The following ITPR1 variants were observed in gnomAD, a reference collection of about 807,000 sequenced individuals.
ITPR1 encodes inositol 1,4,5-trisphosphate receptor type 1, also known as inositol 1,4,5-trisphosphate-gated calcium channel ITPR1.
In ITPR1, 96 loss-of-function variants were observed where a neutral mutation model predicts 318.4. That is an observed-to-expected ratio of 0.30 (90% CI 0.26 to 0.36). The LOEUF (loss-of-function observed/expected upper bound fraction) is 0.36, where lower values mean the gene tolerates loss of function less well. ITPR1 is among the 10% of genes least tolerant of loss of function. The probability of loss-of-function intolerance (pLI) is 1.00; values close to 1 mark genes in which losing one functional copy is unlikely to be tolerated. For synonymous variants in ITPR1, 1,312 were observed against 1,289.9 expected, an observed-to-expected ratio of 1.02 and a Z score of -0.37; for missense variants, 2,440 against 3,460.2, an observed-to-expected ratio of 0.71 and a Z score of 7.40.
intron 42 of ITPR1, among the ~76,000 whole-genome samples, chr3:4,727,817 C>A (rs2042628747): frequency 6.6e-6 from 1 of 152,212 alleles, no homozygotes; most frequent in African/African-American, 2.4e-5. Flanking sequence ...CTCAAGCAAT[C>A]CTCTTGCCTT....
Position 4,496,315 on chromosome 3 carries a change from A to G in ITPR1, c.-17+1809A>G, listed in dbSNP as rs1012275731. On this transcript the variant is annotated intron_variant, in intron 2 of 61. Transcript: ENST00000649015. ...GTTCTCCATTTTTTCTTTCAAGTTC[A>G]TGTGTGTGTGTGTGTGTGTGTATGC... Among the ~76,000 whole-genome samples the G allele has an allele frequency of 5.3e-5, 8 of 151,154 alleles. No individual in the cohort carries two copies. The East Asian group carries it at 5.8e-4, about 11-fold the overall frequency.
intron 37 of ITPR1, among the ~76,000 whole-genome samples, chr3:4,709,010 T>C (rs1363448425): frequency 6.6e-6 from 1 of 152,228 alleles, no homozygotes; most frequent in African/African-American, 2.4e-5. Flanking sequence ...GTGCAAAAGA[T>C]GCAGGATTTC....
chr3:4,559,871 C>G (rs1463483180), intron 4 of ITPR1, among the ~76,000 whole-genome samples: 1 of 152,152 alleles, frequency 6.6e-6, no homozygotes, highest in Admixed American at 6.5e-5. Context: ...CCCTTAATCA[C>G]TAAACTGTAT....
intron 4 of ITPR1, among the ~76,000 whole-genome samples, chr3:4,546,152 GATA>G (rs2084974924): frequency 6.6e-6 from 1 of 152,142 alleles, no homozygotes; most frequent in Non-Finnish European, 1.5e-5. Context: ...TGATTATCAT[GATA>G]ATGATGTAAA....
At chr3:4,654,945 C>G (rs995193861) in intron 12 of ITPR1, among the ~76,000 whole-genome samples, 3 of 151,962 alleles carry the variant, frequency 2.0e-5, no homozygotes, top group Non-Finnish European at 4.4e-5. Flanking sequence ...CTGGGGTACC[C>G]GAGGCTCACC....
chr3:4,694,321 A>C (rs2094524118), intron 33 of ITPR1, among the ~76,000 whole-genome samples: 1 of 149,918 alleles, frequency 6.7e-6, no homozygotes, highest in Non-Finnish European at 1.5e-5. Context: ...TATATTATAA[A>C]GTATATATTT....
chr3:4,657,014 G>T (rs1024806532), intron 12 of ITPR1, among the ~76,000 whole-genome samples: 1 of 152,180 alleles, frequency 6.6e-6, no homozygotes, highest in Non-Finnish European at 1.5e-5. Flanking sequence ...AGTTTCTCAG[G>T]AAAGTTTTCA....
chr3:4,605,397 G>A (rs2091632550), intron 4 of ITPR1, among the ~76,000 whole-genome samples: 2 of 152,130 alleles, frequency 1.3e-5, no homozygotes, highest in Admixed American at 6.5e-5. Context: ...GTGTCAGAAA[G>A]GACATTGTCT....
intron 4 of ITPR1, 108 bp downstream of exon 4, chr3:4,521,202 T>C (rs2082537990): frequency 2.8e-6 from 2 of 702,384 alleles, no homozygotes; most frequent in East Asian, 5.5e-5. Context: ...TTATTTATTA[T>C]GTATTTTTTT....
At position 4,525,880 on chromosome 3, in the gene ITPR1, A is replaced by G. The variant is rs2082939996; in HGVS notation, c.163+4786A>G. Among the ~76,000 whole-genome samples, 4 of 152,288 alleles carry G rather than the reference A, an allele frequency of 2.6e-5. 1 individual carries two copies. The South Asian group carries it at 8.3e-4, about 32-fold the overall frequency. ...AGCTCCCCCGGTGCTAAATATAAAGATATCTACAAAGAAAAGGTGGAAACT... is the reference window on the plus strand; with the variant it reads ...AGCTCCCCCGGTGCTAAATATAAAGGTATCTACAAAGAAAAGGTGGAAACT... On this transcript the variant is annotated intron_variant, in intron 4 of 61. Transcript: ENST00000649015.
intron 39 of ITPR1, among the ~76,000 whole-genome samples, chr3:4,716,927 C>A (rs2041808938): frequency 6.6e-6 from 1 of 152,152 alleles, no homozygotes; most frequent in Admixed American, 6.5e-5. Flanking sequence ...GCTTCTGACC[C>A]CCGACTGAGT....
Position 4,630,813 on chromosome 3 carries a change from C to G in ITPR1, c.279+2935C>G, listed in dbSNP as rs145003900. Among the ~76,000 whole-genome samples, 99 of 152,120 alleles carry G rather than the reference C, an allele frequency of 6.5e-4. 1 individual carries two copies. The highest frequency in any genetic ancestry group is 2.3e-3 in the African/African-American group (96 of 41,484). ...ATGTTGGCCAGGCTGGTCTCGAACT[C>G]CTGACCTCAAGTGATCCACTGCCTC... On this transcript the variant is annotated intron_variant, in intron 5 of 61. Coordinates refer to ENST00000649015, the MANE Select transcript of ITPR1 (RefSeq NM_001378452.1).
intron 44 of ITPR1, among the ~76,000 whole-genome samples, chr3:4,759,187 G>A (rs1037554946): frequency 7.9e-5 from 12 of 152,226 alleles, no homozygotes; most frequent in African/African-American, 2.9e-4. Context: ...CTGAAGCAAG[G>A]CAGGCTCGTC....
chr3:4,645,813 T>TACA, intron 10 of ITPR1, 85 bp downstream of exon 10: 1 of 1,267,794 alleles, frequency 7.9e-7, no homozygotes, highest in Middle Eastern at 2.0e-4. Context: ...CCTACAAATA[T>TACA]TCATACATAC....
chr3:4,773,767 C>A (rs1159971254), intron 46 of ITPR1, among the ~76,000 whole-genome samples: 3 of 152,216 alleles, frequency 2.0e-5, no homozygotes, highest in Non-Finnish European at 4.4e-5. Flanking sequence ...AAATCCTCCT[C>A]TGGTTTCCCT....
chr3:4,784,041 T>TA, intron 51 of ITPR1, 121 bp downstream of exon 51: 1 of 697,224 alleles, frequency 1.4e-6, no homozygotes, highest in Non-Finnish European at 2.4e-6. Flanking sequence ...GTGTACTGTG[T>TA]GCTAGGTCCT....
At chr3:4,624,703 A>G (rs1431979748) in intron 4 of ITPR1, among the ~76,000 whole-genome samples, 1 of 151,110 alleles carries the variant, frequency 6.6e-6, no homozygotes, top group Non-Finnish European at 1.5e-5. Flanking sequence ...AGATTAAACT[A>G]TAATGCAGTA....
intron 44 of ITPR1, among the ~76,000 whole-genome samples, chr3:4,761,119 C>T (rs1261040994): frequency 6.6e-6 from 1 of 152,192 alleles, no homozygotes; most frequent in Non-Finnish European, 1.5e-5. Flanking sequence ...CCAGAGGCAA[C>T]CACCATTTTG....
At chr3:4,769,197 C>A (rs907432708) in intron 46 of ITPR1, among the ~76,000 whole-genome samples, 4 of 152,144 alleles carry the variant, frequency 2.6e-5, no homozygotes, top group African/African-American at 7.2e-5. Flanking sequence ...ACCGAGCCAC[C>A]GAGCCTGGCC....
Sources: allele counts gnomAD v4.1 joint callset (sites outside exome capture counted in the v4.1 genomes callset), GRCh38; gene constraint gnomAD v4.1.1; transcripts MANE v1.5; gene names NCBI Gene and HGNC (gene_info 2026-07-23, HGNC 2026-07-21).